MPP7: variants seen among roughly 807,000 people sequenced by gnomAD.
MPP7 encodes the protein MAGUK p55 scaffold protein 7.
MPP7 carries 60 observed loss-of-function variants against 76.5 expected under a neutral mutation model. The observed-to-expected ratio is 0.78, with a 90% confidence interval of 0.64 to 0.97. The LOEUF (loss-of-function observed/expected upper bound fraction) is 0.97, where lower values mean the gene tolerates loss of function less well. MPP7 is among the 50% of genes least tolerant of loss of function. MPP7 has a pLI of 0.00. For synonymous variants in MPP7, 237 were observed against 244.5 expected (o/e 0.97, Z 0.29); for missense variants, 641 against 694.0 (o/e 0.92, Z 0.86).
At chr10:28,259,850 G>T (rs910617386) in intron 1 of MPP7, among the ~76,000 whole-genome samples, 1 of 151,954 alleles carries the variant, frequency 6.6e-6, no homozygotes, top group African/African-American at 2.4e-5. Context: ...AGGCACGGTG[G>T]TGTGCCCCTG....
intron 2 of MPP7, among the ~76,000 whole-genome samples, chr10:28,229,887 T>C (rs868399657): frequency 3.0e-5 from 4 of 131,586 alleles, no homozygotes; most frequent in Middle Eastern, 4.3e-3. Flanking sequence ...AGACTCCGTC[T>C]CAAAAAAAAA....
intron 8 of MPP7, among the ~76,000 whole-genome samples, chr10:28,121,198 A>T (rs952208028): frequency 6.6e-6 from 1 of 152,024 alleles, no homozygotes; most frequent in Non-Finnish European, 1.5e-5. Flanking sequence ...TCTTGAGCCC[A>T]GGAGTTCAAG....
At chr10:28,163,155 C>T (rs974946243) in intron 3 of MPP7, among the ~76,000 whole-genome samples, 12 of 152,170 alleles carry the variant, frequency 7.9e-5, no homozygotes, top group African/African-American at 2.9e-4. Flanking sequence ...CTCCAATCCT[C>T]CCTGTGATCT....
intron 6 of MPP7, among the ~76,000 whole-genome samples, chr10:28,127,024 A>G (rs1429895479): frequency 1.3e-5 from 2 of 152,204 alleles, no homozygotes; most frequent in African/African-American, 4.8e-5. Context: ...AGGAACTCCA[A>G]GTGAGAACCT....
intron 3 of MPP7, among the ~76,000 whole-genome samples, chr10:28,190,202 T>C (rs1306155877): frequency 6.6e-6 from 1 of 151,988 alleles, no homozygotes; most frequent in African/African-American, 2.4e-5. Flanking sequence ...TACAGAGAAA[T>C]GCATGAAGTC....
intron 12 of MPP7, among the ~76,000 whole-genome samples, chr10:28,072,080 C>T (rs1466175659): frequency 6.6e-6 from 1 of 152,124 alleles, no homozygotes; most frequent in Non-Finnish European, 1.5e-5. Context: ...TTGAGACCAA[C>T]CTGGCCAACA....
At chr10:28,307,352 A>G (rs1841264708), upstream of MPP7, among the ~76,000 whole-genome samples, 1 of 152,302 alleles carries the variant, frequency 6.6e-6, no homozygotes, top group African/African-American at 2.4e-5. Context: ...CAGGTCTTCT[A>G]GTAATTTCCT....
intron 12 of MPP7, among the ~76,000 whole-genome samples, chr10:28,071,516 T>G (rs1336446690): frequency 6.6e-6 from 1 of 152,134 alleles, no homozygotes; most frequent in Non-Finnish European, 1.5e-5. Context: ...CTCTCAATTC[T>G]CCCTCTTATA....
At chr10:28,194,498 C>T (rs1837516473) in intron 3 of MPP7, among the ~76,000 whole-genome samples, 1 of 152,148 alleles carries the variant, frequency 6.6e-6, no homozygotes, top group Non-Finnish European at 1.5e-5. Context: ...AATGGAGAAA[C>T]AAACTATGGT....
chr10:28,316,747 T>A (rs1040010622), intron 2 of MPP7, among the ~76,000 whole-genome samples: 1 of 152,158 alleles, frequency 6.6e-6, no homozygotes, highest in Non-Finnish European at 1.5e-5. Flanking sequence ...AAGGAATCAG[T>A]GGAAGATTTG....
rs57320934 is a variant in MPP7, at chr10:28,091,287, CTTT to C, written c.953-1449_953-1447del. Among the ~76,000 whole-genome samples the C allele has an allele frequency of 1.4e-3, 200 of 143,758 alleles. 5 individuals carry two copies. In the East Asian group the frequency reaches 0.019, roughly 14 times the overall value. The allele number at this position is 143,758 out of a possible 152,430, so 94.3% of individuals were successfully genotyped here. A position where few individuals can be genotyped will look rare whatever the true frequency, so the allele number is the denominator to read the frequency against. ...TTCATCAACTTTGATAAACAGATAA[CTTT>C]TTTTTTTTTTTTTTGAGATGGAGTT... On this transcript the variant is annotated intron_variant, in intron 11 of 16. Transcript: ENST00000683449.
rs148990738 is a variant in MPP7 at position 28,131,690 on chromosome 10, G to C, written c.317C>G (p.Ala106Gly). 1.2e-5 allele frequency: 19 copies of C among 1,559,962 alleles called. No homozygotes were observed. The highest frequency in any genetic ancestry group is 1.6e-5 in the Non-Finnish European group (18 of 1,148,160). The change falls in exon 6 of 17, where the codon GCT becomes GGT. Residue 106 changes from alanine to glycine, a missense_variant and splice_region_variant. Physicochemically the swap from Ala to Gly is moderately conservative, Grantham distance 60 (BLOSUM62 0). Transcript: ENST00000683449. Reference sequence around the variant, plus strand: ...CACAGTATCATGTACAGAGAGCAAAGCCTGTAATATTCAAAGGTTGATTTA... The same window carrying C: ...CACAGTATCATGTACAGAGAGCAAACCCTGTAATATTCAAAGGTTGATTTA... ...LKLLSKPNVK[A>G]LLSVHDTVAQ...
At chr10:28,166,036 A>AAC (rs1836444730) in intron 3 of MPP7, among the ~76,000 whole-genome samples, 2 of 151,692 alleles carry the variant, frequency 1.3e-5, no homozygotes, top group Non-Finnish European at 2.9e-5. Context: ...AAAAAAAAAA[A>AAC]AAAAAAGAAT....
At chr10:28,299,260 C>G (rs75677100) in intron 1 of MPP7, among the ~76,000 whole-genome samples, 121 of 152,208 alleles carry the variant, frequency 7.9e-4, no homozygotes, top group African/African-American at 2.8e-3. Context: ...GTGGGAGACA[C>G]GCGACTCTCC....
At chr10:28,225,151 C>A (rs1838647858) in intron 2 of MPP7, among the ~76,000 whole-genome samples, 1 of 152,170 alleles carries the variant, frequency 6.6e-6, no homozygotes, top group Non-Finnish European at 1.5e-5. Context: ...ACCCTTACCT[C>A]ACACCACATA....
At chr10:28,137,129 G>A (rs73608040) in intron 5 of MPP7, among the ~76,000 whole-genome samples, 3,295 of 152,134 alleles carry the variant, frequency 0.022, 99 homozygotes, top group African/African-American at 0.072. Flanking sequence ...GATTAAAAAC[G>A]ACAGCACACT....
At chr10:28,283,427 C>A (rs529443342) in intron 1 of MPP7, among the ~76,000 whole-genome samples, 1 of 152,120 alleles carries the variant, frequency 6.6e-6, no homozygotes, top group East Asian at 1.9e-4. Flanking sequence ...GTTTGCATAA[C>A]ACAGCACCTG....
At chr10:28,231,327 A>G (rs1838875721) in intron 2 of MPP7, among the ~76,000 whole-genome samples, 1 of 152,090 alleles carries the variant, frequency 6.6e-6, no homozygotes, top group Non-Finnish European at 1.5e-5. Context: ...AAATAGTCCT[A>G]AATGTGAACA....
chr10:28,197,407 T>A (rs1837621741), intron 3 of MPP7, among the ~76,000 whole-genome samples: 1 of 152,106 alleles, frequency 6.6e-6, no homozygotes, highest in African/African-American at 2.4e-5. Flanking sequence ...GGTCTCGAAC[T>A]GTTGACCTCA....
Sources: gnomAD v4.1 joint callset for allele counts (sites outside exome capture counted in the v4.1 genomes callset) on GRCh38, gnomAD v4.1.1 for gene constraint, MANE v1.5 for transcripts, NCBI Gene and HGNC (gene_info 2026-07-23, HGNC 2026-07-21) for gene names.